ERBB4: variants seen among roughly 807,000 people sequenced by gnomAD.
ERBB4 encodes receptor tyrosine-protein kinase erbB-4.
In ERBB4, 42 loss-of-function variants were observed where a neutral mutation model predicts 158.0. The observed-to-expected ratio is 0.27, with a 90% CI of 0.21 to 0.34. The LOEUF (loss-of-function observed/expected upper bound fraction) is 0.34. Among genes scored for constraint, ERBB4 ranks in the 10% least tolerant of loss-of-function variants. ERBB4 has a pLI of 1.00. For missense variants in ERBB4, 1,333 were observed against 1,624.1 expected, an observed-to-expected ratio of 0.82 and a Z score of 3.08; for synonymous variants, 583 against 558.7, an observed-to-expected ratio of 1.04 and a Z score of -0.61.
In ERBB4 at chr2:212,339,443, T is replaced by G. The variant is rs1454899932; in HGVS notation, c.82+199006A>C. On this transcript the variant is annotated intron_variant, in intron 1 of 27. Coordinates refer to ENST00000342788, the MANE Select transcript of ERBB4 (RefSeq NM_005235.3). The stretch of plus-strand genomic sequence containing the variant: ...CTTGGCTAACCTTACAGGTATGTGT[T>G]GTTTTTATAAATTAACTAGAACTGG... Among the ~76,000 whole-genome samples, 11 of 152,340 alleles carry G rather than the reference T, an allele frequency of 7.2e-5. No individual in the cohort carries two copies. In the East Asian group the frequency reaches 2.1e-3, roughly 29 times the overall value.
chr2:211,464,461 T>C (rs1015487247), intron 20 of ERBB4, among the ~76,000 whole-genome samples: 5 of 152,114 alleles, frequency 3.3e-5, no homozygotes, highest in South Asian at 2.1e-4. Flanking sequence ...CTAAACAAAA[T>C]TGAAGGCTAA....
chr2:211,983,614 A>G (rs574841350), intron 2 of ERBB4, among the ~76,000 whole-genome samples: 1 of 152,320 alleles, frequency 6.6e-6, no homozygotes, highest in East Asian at 1.9e-4. Flanking sequence ...CTACCTATCA[A>G]TCTATAAAGT....
chr2:211,792,666 T>G (rs2076301230), intron 3 of ERBB4, among the ~76,000 whole-genome samples: 1 of 151,840 alleles, frequency 6.6e-6, no homozygotes. Flanking sequence ...TATTGAACTG[T>G]AAGTCTACCT....
chr2:211,540,279 C>T (rs952418504), intron 20 of ERBB4, among the ~76,000 whole-genome samples: 1 of 151,602 alleles, frequency 6.6e-6, no homozygotes. Context: ...CTGCAGGAAG[C>T]ATTGCACTGG....
intron 3 of ERBB4, among the ~76,000 whole-genome samples, chr2:211,861,325 GT>G (rs1559586602): frequency 4.2e-5 from 4 of 94,166 alleles, no homozygotes; most frequent in African/African-American, 1.6e-4. Flanking sequence ...CAGTCCAGGC[GT>G]GTTTTTTTTT....
chr2:212,035,281 C>T (rs1451613824), intron 2 of ERBB4, among the ~76,000 whole-genome samples: 1 of 152,184 alleles, frequency 6.6e-6, no homozygotes, highest in African/African-American at 2.4e-5. Context: ...TGTCCCCACT[C>T]AGCTCCCAGA....
chr2:211,920,084 C>A (rs2079816515), intron 3 of ERBB4, among the ~76,000 whole-genome samples: 1 of 151,876 alleles, frequency 6.6e-6, no homozygotes, highest in African/African-American at 2.4e-5. Flanking sequence ...AAACAAAAAT[C>A]TGGCAAAAAC....
intron 11 of ERBB4, among the ~76,000 whole-genome samples, 182 bp from the exon 12 acceptor site, chr2:211,702,348 C>A (rs1228873261): frequency 2.6e-5 from 4 of 151,966 alleles, no homozygotes; most frequent in Non-Finnish European, 5.9e-5. Context: ...ATTTGACCTC[C>A]CAAAGTAAAA....
At chr2:211,868,158 A>G (rs551016751) in intron 3 of ERBB4, among the ~76,000 whole-genome samples, 201 of 152,326 alleles carry the variant, frequency 1.3e-3, no homozygotes, top group South Asian at 1.9e-3. Context: ...CCTGGTATGT[A>G]TAGAGGAAAG....
intron 20 of ERBB4, among the ~76,000 whole-genome samples, chr2:211,523,796 C>G (rs1461210637): frequency 2.0e-5 from 3 of 151,702 alleles, no homozygotes; most frequent in African/African-American, 4.8e-5. Context: ...GGAAGGGGAC[C>G]CGAGCAGGTT....
intron 1 of ERBB4, among the ~76,000 whole-genome samples, chr2:212,296,528 A>G (rs115429209): frequency 0.025 from 3,848 of 152,062 alleles, 154 homozygotes; most frequent in African/African-American, 0.088. Context: ...ATTCAAGATA[A>G]CAGAATTAAA....
rs1296719751 is a variant in ERBB4, at chr2:211,791,996, C to T, written c.422-3837G>A. 2.6e-5 allele frequency among the ~76,000 whole-genome samples: 4 copies of T among 151,284 alleles called. No homozygotes were observed. The East Asian group carries it at 7.7e-4, about 29-fold the overall frequency. ...TAGCTGAGATATAATTAGACTAAGC[C>T]CCATGAAGGTAAGAAATGTTTTTCA... On this transcript the variant is annotated intron_variant, in intron 3 of 27. Transcript: ENST00000342788.
In ERBB4 at chr2:212,502,504, A is replaced by G. The variant is rs1295875218; in HGVS notation, c.82+35945T>C. Among the ~76,000 whole-genome samples the G allele has an allele frequency of 2.6e-5, 4 of 152,170 alleles. No homozygotes were observed. In the East Asian group the frequency reaches 7.7e-4, roughly 29 times the overall value. On this transcript the variant is annotated intron_variant, in intron 1 of 27. Transcript: ENST00000342788. ...CACTTGGCTCAAAAATGACCAAGCT[A>G]TATTTTTACCTTAAGGCTGACTGAC...
intron 20 of ERBB4, among the ~76,000 whole-genome samples, chr2:211,531,707 G>C (rs909778360): frequency 2.0e-5 from 3 of 152,080 alleles, no homozygotes; most frequent in African/African-American, 7.2e-5. Context: ...ATACGCTGTT[G>C]GTGGGAATGT....
intron 3 of ERBB4, among the ~76,000 whole-genome samples, chr2:211,798,479 C>T (rs1222720606): frequency 2.0e-5 from 3 of 152,004 alleles, no homozygotes; most frequent in African/African-American, 7.2e-5. Flanking sequence ...TCTTTTCTAC[C>T]ATCTACAAAA....
At chr2:212,411,119 C>T (rs2091485714) in intron 1 of ERBB4, among the ~76,000 whole-genome samples, 1 of 152,020 alleles carries the variant, frequency 6.6e-6, no homozygotes, top group Non-Finnish European at 1.5e-5. Flanking sequence ...TGAAGTAATA[C>T]AATGTCTAAA....
At chr2:212,522,494 T>A (rs1692226207) in intron 1 of ERBB4, among the ~76,000 whole-genome samples, 1 of 151,878 alleles carries the variant, frequency 6.6e-6, no homozygotes, top group South Asian at 2.1e-4. Flanking sequence ...AGTGGAGATA[T>A]CGAGCAGGCA....
intron 2 of ERBB4, among the ~76,000 whole-genome samples, chr2:212,112,964 A>T (rs1292921647): frequency 6.6e-6 from 1 of 152,234 alleles, no homozygotes; most frequent in Non-Finnish European, 1.5e-5. Context: ...AATCTTCATA[A>T]ATTGACAAAA....
intron 2 of ERBB4, among the ~76,000 whole-genome samples, chr2:212,060,995 TAAA>T (rs2077746716): frequency 6.9e-6 from 1 of 144,464 alleles, no homozygotes; most frequent in Non-Finnish European, 1.5e-5. Context: ...ATAAATAAAA[TAAA>T]AAAGTAAATA....
Sources: gnomAD v4.1 joint callset for allele counts (sites outside exome capture counted in the v4.1 genomes callset) on GRCh38, gnomAD v4.1.1 for gene constraint, MANE v1.5 for transcripts, NCBI Gene and HGNC (gene_info 2026-07-23, HGNC 2026-07-21) for gene names.